The following BLVRB variants were observed in gnomAD, a reference collection of about 807,000 sequenced individuals.
BLVRB encodes the protein flavin reductase (NADPH).
Under a neutral mutation model 21.1 loss-of-function variants are expected in BLVRB, and 25 were observed. That is an observed-to-expected ratio of 1.19 (90% CI 0.86 to 1.66). BLVRB has a LOEUF of 1.66. BLVRB is among the 40% of genes most tolerant of loss of function. BLVRB has a pLI of 0.00. For missense variants in BLVRB, 274 were observed against 282.7 expected (o/e 0.97, Z 0.22); for synonymous variants, 128 against 122.2 (o/e 1.05, Z -0.31).
chr19:40,461,453 C>T (rs527330738), intron 1 of BLVRB, among the ~76,000 whole-genome samples: 7 of 152,276 alleles, frequency 4.6e-5, no homozygotes, highest in African/African-American at 1.4e-4. Flanking sequence ...CTGGCTTCTC[C>T]TCTCCAGGCT....
At chr19:40,448,964 G>A (rs1036055435) in intron 4 of BLVRB, among the ~76,000 whole-genome samples, 4 of 152,074 alleles carry the variant, frequency 2.6e-5, no homozygotes, top group Admixed American at 1.3e-4. Context: ...GCTTATGCCT[G>A]TAGTCCCAGC....
Position 40,451,904 on chromosome 19 carries a change from AG to A in BLVRB, c.335-413del, listed in dbSNP as rs2079741875. On this transcript the variant is annotated intron_variant, in intron 3 of 4. Transcript: ENST00000263368. ...ACCATTGCTTTCCAGTTGCAAAAACAGGGGAGTCCTCTGGGGCTCCTCTTTC... is the reference window on the plus strand; with the variant it reads ...ACCATTGCTTTCCAGTTGCAAAAACAGGGAGTCCTCTGGGGCTCCTCTTTC... Among the ~76,000 whole-genome samples, 5 of 152,144 alleles carry A rather than the reference AG, an allele frequency of 3.3e-5. No individual in the cohort carries two copies. In the South Asian group the frequency reaches 1.0e-3, roughly 32 times the overall value.
At chr19:40,450,990 T>C (rs918552581) in intron 4 of BLVRB, among the ~76,000 whole-genome samples, 1 of 152,024 alleles carries the variant, frequency 6.6e-6, no homozygotes, top group Admixed American at 6.6e-5. Context: ...CCAGAATCCA[T>C]AGACATAATG....
intron 1 of BLVRB, among the ~76,000 whole-genome samples, chr19:40,459,252 C>T (rs113637531): frequency 4.4e-5 from 6 of 136,048 alleles, no homozygotes; most frequent in Admixed American, 2.4e-4. Flanking sequence ...TCACTTGACC[C>T]GACAGGCGGA....
Position 40,460,215 on chromosome 19 carries a change from G to T in BLVRB, c.80-1670C>A, listed in dbSNP as rs543318533. 4.9e-5 allele frequency among the ~76,000 whole-genome samples: 7 copies of T among 142,482 alleles called. No homozygotes were observed. The South Asian group carries it at 1.6e-3, about 32-fold the overall frequency. The allele number at this position is 142,482 out of a possible 152,430, so 93.5% of individuals were successfully genotyped here. On this transcript the variant is annotated intron_variant, in intron 1 of 4. Coordinates refer to ENST00000263368, the MANE Select transcript of BLVRB (RefSeq NM_000713.3). ...TCCTTTGTTTTAAACATTGGCAAAG[G>T]ATGTTAACATTTGGGTATACTGTAA...
intron 1 of BLVRB, among the ~76,000 whole-genome samples, chr19:40,462,935 A>C (rs4802078): frequency 1.4e-5 from 2 of 147,724 alleles, no homozygotes; most frequent in Non-Finnish European, 3.0e-5. Context: ...CATCAATACA[A>C]AAAATTTCAT....
At chr19:40,448,270 C>T (rs188328294) in intron 4 of BLVRB, among the ~76,000 whole-genome samples, 374 of 152,134 alleles carry the variant, frequency 2.5e-3, no homozygotes, top group Non-Finnish European at 3.7e-3. Context: ...GTGCTGGGCA[C>T]CCAAGCAAGG....
intron 3 of BLVRB, among the ~76,000 whole-genome samples, chr19:40,457,194 G>C (rs1313861456): frequency 6.7e-6 from 1 of 149,752 alleles, no homozygotes; most frequent in Non-Finnish European, 1.5e-5. Flanking sequence ...GAACCATTCT[G>C]AAATCGCAAG....
chr19:40,457,928 A>G, intron 3 of BLVRB: 1 of 515,208 alleles, frequency 1.9e-6, no homozygotes, highest in Non-Finnish European at 3.5e-6. Flanking sequence ...CAGTTTGATC[A>G]TGGATCTGTT....
chr19:40,460,941 C>T (rs2079784396), intron 1 of BLVRB, among the ~76,000 whole-genome samples: 1 of 152,166 alleles, frequency 6.6e-6, no homozygotes, highest in Non-Finnish European at 1.5e-5. Flanking sequence ...CATTGCACGC[C>T]AGCCTGGGCA....
intron 1 of BLVRB, among the ~76,000 whole-genome samples, chr19:40,461,414 T>G (rs1226038076): frequency 1.3e-5 from 2 of 152,054 alleles, no homozygotes; most frequent in East Asian, 3.9e-4. Flanking sequence ...CCCATGCTCC[T>G]CATGCCAGCC....
chr19:40,460,247 CATATATATATATATATATAT>C (rs57153004), intron 1 of BLVRB, among the ~76,000 whole-genome samples: 3 of 121,142 alleles, frequency 2.5e-5, no homozygotes, highest in Middle Eastern at 3.8e-3. Flanking sequence ...GTAATAGCAA[CATATATATATATATATATAT>C]ATATATATTT....
intron 1 of BLVRB, among the ~76,000 whole-genome samples, chr19:40,464,920 G>C (rs1336765744): frequency 6.6e-6 from 1 of 152,204 alleles, no homozygotes; most frequent in South Asian, 2.1e-4. Context: ...GGAGTGCTGG[G>C]GGATGGTTAT....
In BLVRB at chr19:40,465,473, T is replaced by C. The variant is rs1599693359; in HGVS notation, c.79+137A>G. ...CCCCATTTCTGCCCCCGTGGCCACT[T>C]GCTTTGGCCCCTGAGTCCTCATACA... is the stretch of plus-strand genomic sequence containing the variant. On this transcript the variant is annotated intron_variant, in intron 1 of 4. Coordinates refer to ENST00000263368, the MANE Select transcript of BLVRB (RefSeq NM_000713.3). 11 of 1,069,266 alleles carry C rather than the reference T, an allele frequency of 1.0e-5. No homozygotes were observed. The Admixed American group carries it at 2.5e-4, about 24-fold the overall frequency. 66.2% of individuals were successfully genotyped at this position (1,069,266 alleles called of 1,614,324 possible). A position where few individuals can be genotyped will look rare whatever the true frequency, so the allele number is the denominator to read the frequency against.
chr19:40,464,477 C>A (rs1217636536), intron 1 of BLVRB, among the ~76,000 whole-genome samples: 11 of 152,128 alleles, frequency 7.2e-5, no homozygotes, highest in African/African-American at 2.7e-4. Context: ...GCTCCCTAGG[C>A]TCCAGTTCTT....
intron 1 of BLVRB, among the ~76,000 whole-genome samples, chr19:40,464,141 A>C (rs138595594): frequency 6.6e-6 from 1 of 152,146 alleles, no homozygotes; most frequent in East Asian, 1.9e-4. Flanking sequence ...GCTGGAGTGC[A>C]GTGGTGCAAA....
intron 3 of BLVRB, among the ~76,000 whole-genome samples, chr19:40,454,084 C>T (rs560479460): frequency 2.4e-4 from 37 of 152,184 alleles, no homozygotes; most frequent in African/African-American, 8.7e-4. Flanking sequence ...TCTGTCGCAA[C>T]AAAAAAATTT....
chr19:40,452,366 A>G (rs1239178147), intron 3 of BLVRB, among the ~76,000 whole-genome samples: 1 of 151,966 alleles, frequency 6.6e-6, no homozygotes, highest in Non-Finnish European at 1.5e-5. Flanking sequence ...AGGCTGGAGG[A>G]CAGTGGCGTG....
chr19:40,454,666 C>T (rs1407369517), intron 3 of BLVRB, among the ~76,000 whole-genome samples: 2 of 152,010 alleles, frequency 1.3e-5, no homozygotes, highest in African/African-American at 4.8e-5. Context: ...CTGCCTCAGC[C>T]TCCCGAGTAG....
Sources: allele counts gnomAD v4.1 joint callset (sites outside exome capture counted in the v4.1 genomes callset), GRCh38; gene constraint gnomAD v4.1.1; transcripts MANE v1.5; gene names NCBI Gene and HGNC (gene_info 2026-07-23, HGNC 2026-07-21).